Variants in PCDHAC1 observed in about 807,000 individuals in gnomAD.
PCDHAC1 encodes the protein protocadherin alpha subfamily C, 1.
PCDHAC1 carries 42 observed loss-of-function variants against 60.0 expected under a neutral mutation model. The observed-to-expected ratio is 0.70, with a 90% CI of 0.55 to 0.90. The LOEUF (loss-of-function observed/expected upper bound fraction) is 0.90. Among genes scored for constraint, PCDHAC1 ranks in the 40% least tolerant of loss-of-function variants. The probability of loss-of-function intolerance (pLI) is 0.00; values close to 1 mark genes in which losing one functional copy is unlikely to be tolerated. For missense variants in PCDHAC1, 1,160 were observed against 1,222.3 expected (o/e 0.95, Z 0.76); for synonymous variants, 468 against 499.3 (o/e 0.94, Z 0.84).
chr5:141,011,182 G>T lies in PCDHAC1; in HGVS notation c.*1245G>T, dbSNP rs887034679. On this transcript the variant is annotated 3_prime_UTR_variant, in exon 4 of 4. Coordinates refer to ENST00000253807, the MANE Select transcript of PCDHAC1 (RefSeq NM_018898.5). ...TATATATCAAGACCCAAAAATTGAA[G>T]AAAAATATTGTTTTCTCATACAGTG... 1.3e-5 allele frequency: 2 copies of T among 153,494 alleles called. No individual in the cohort carries two copies. Among genetic ancestry groups the T allele is most frequent in the Admixed American group, 6.6e-5 (1 of 15,254 alleles). The allele number at this position is 153,494 out of a possible 1,614,324, so 9.5% of individuals were successfully genotyped here.
intron 2 of PCDHAC1, among the ~76,000 whole-genome samples, chr5:140,981,831 G>A (rs2096952818): frequency 6.6e-6 from 1 of 152,006 alleles, no homozygotes; most frequent in African/African-American, 2.4e-5. Flanking sequence ...TGCCTCTAAA[G>A]GTCTCCCAGT....
chr5:140,927,258 T>C lies in PCDHAC1; in HGVS notation c.366T>C (p.Pro122=). Residue 122 remains proline (P), a synonymous_variant, in exon 1 of 4, where the codon CCT becomes CCC. Coordinates refer to ENST00000253807, the MANE Select transcript of PCDHAC1 (RefSeq NM_018898.5). ...IHVLDTNDNS[P]LFPAGDVQLH... is the part of the protein sequence containing the mutation. ...TCCTGGACACCAATGACAACTCACC[T>C]CTCTTTCCTGCCGGCGACGTGCAGC... 6.2e-7 allele frequency: 1 copy of C among 1,613,878 alleles called. No individual in the cohort carries two copies. Among genetic ancestry groups the C allele is most frequent in the Non-Finnish European group, 8.5e-7 (1 of 1,179,996 alleles).
At chr5:140,982,030 C>G (rs2096963361) in intron 2 of PCDHAC1, among the ~76,000 whole-genome samples, 1 of 152,196 alleles carries the variant, frequency 6.6e-6, no homozygotes, top group South Asian at 2.1e-4. Flanking sequence ...TGGAACAATA[C>G]TCCAATTATC....
At position 141,000,421 on chromosome 5, in the gene PCDHAC1, A is replaced by ATTTTTT. The variant is rs34755515; in HGVS notation, c.2582-9188_2582-9183dup. On this transcript the variant is annotated intron_variant, in intron 3 of 3. Coordinates refer to ENST00000253807, the MANE Select transcript of PCDHAC1 (RefSeq NM_018898.5). ...TATATATATATATATATATATATAT[A>ATTTTTT]TTTTTTTTTTTTTTTTTTTTTTTGA... 3.2e-4 allele frequency among the ~76,000 whole-genome samples: 9 copies of ATTTTTT among 27,978 alleles called. 1 individual carries two copies. The highest frequency in any genetic ancestry group is 5.3e-4 in the African/African-American group (3 of 5,638). 18.4% of individuals were successfully genotyped at this position (27,978 alleles called of 152,430 possible).
chr5:140,973,391 A>G (rs1466546487), intron 1 of PCDHAC1, among the ~76,000 whole-genome samples: 1 of 152,232 alleles, frequency 6.6e-6, no homozygotes, highest in East Asian at 1.9e-4. Context: ...AGACAAAGAA[A>G]TCATATCTAT....
chr5:140,945,183 A>G (rs1445694327), intron 1 of PCDHAC1, among the ~76,000 whole-genome samples: 6 of 152,160 alleles, frequency 3.9e-5, no homozygotes, highest in Admixed American at 2.6e-4. Context: ...TAAATCAAGA[A>G]AACCATGCTA....
chr5:140,956,710 CAGA>C (rs1554222572), intron 1 of PCDHAC1, among the ~76,000 whole-genome samples: 1 of 152,144 alleles, frequency 6.6e-6, no homozygotes, highest in Non-Finnish European at 1.5e-5. Flanking sequence ...GGAATAGCTT[CAGA>C]AGAATTGGTA....
At position 140,927,719 on chromosome 5, in the gene PCDHAC1, C is replaced by A. The variant is rs144571902; in HGVS notation, c.827C>A (p.Thr276Lys). Reference sequence around the variant, plus strand: ...GTCCAGTACTCCCTAAGCAACAGCACGCAAGCAGAGCTGCGACACCGCTTT... The same window carrying A: ...GTCCAGTACTCCCTAAGCAACAGCAAGCAAGCAGAGCTGCGACACCGCTTT... The part of the protein sequence containing the change: ...GEVQYSLSNS[T>K]QAELRHRFHV... The change falls in exon 1 of 4, where the codon ACG becomes AAG. Residue 276 changes from threonine (T) to lysine (K), a missense_variant. Thr to Lys is a moderately conservative substitution (Grantham distance 78). Transcript: ENST00000253807. The A allele has an allele frequency of 2.2e-4, 352 of 1,614,178 alleles. No individual in the cohort carries two copies. In the Middle Eastern group the frequency reaches 2.3e-3, roughly 11 times the overall value.
chr5:140,977,899 C>A (rs1193855952), intron 1 of PCDHAC1, among the ~76,000 whole-genome samples: 1 of 152,124 alleles, frequency 6.6e-6, no homozygotes, highest in East Asian at 1.9e-4. Context: ...CAAAATACAA[C>A]TTTTATCCCC....
At chr5:140,931,260 T>G (rs576177407) in intron 1 of PCDHAC1, among the ~76,000 whole-genome samples, 1 of 152,156 alleles carries the variant, frequency 6.6e-6, no homozygotes, top group South Asian at 2.1e-4. Context: ...GAAATTTCAC[T>G]ATTTATTTCT....
intron 1 of PCDHAC1, among the ~76,000 whole-genome samples, chr5:140,940,086 A>C (rs373629874): frequency 6.6e-6 from 1 of 152,214 alleles, no homozygotes; most frequent in Non-Finnish European, 1.5e-5. Flanking sequence ...TTTCTGCTAA[A>C]TTGAAACTTT....
At chr5:140,941,317 C>T (rs1264351232) in intron 1 of PCDHAC1, among the ~76,000 whole-genome samples, 5 of 99,210 alleles carry the variant, frequency 5.0e-5, no homozygotes, top group Admixed American at 1.1e-4. Flanking sequence ...TTTCTTCTTT[C>T]TCTTTTTTTT....
intron 3 of PCDHAC1, among the ~76,000 whole-genome samples, chr5:140,997,372 A>G (rs2097768557): frequency 6.6e-6 from 1 of 152,208 alleles, no homozygotes; most frequent in Non-Finnish European, 1.5e-5. Context: ...CCTAGATGAT[A>G]TAGCATACTA....
rs782417854 is a variant in PCDHAC1 at position 140,967,777 on chromosome 5, G to T, written c.2434-11172G>T. On this transcript the variant is annotated intron_variant, in intron 1 of 3. Transcript: ENST00000253807. The stretch of plus-strand genomic sequence containing the variant: ...CCTCCTACCAGATCTATGTGCAGGC[G>T]ACTGACCGGGGTCCAGTGCCCATGG... 2.5e-6 allele frequency: 4 copies of T among 1,614,186 alleles called. No individual in the cohort carries two copies. The South Asian group carries it at 4.4e-5, about 18-fold the overall frequency.
At chr5:140,931,970 G>A (rs2087909153) in intron 1 of PCDHAC1, among the ~76,000 whole-genome samples, 1 of 151,866 alleles carries the variant, frequency 6.6e-6, no homozygotes, top group Non-Finnish European at 1.5e-5. Flanking sequence ...TGATGCATAT[G>A]TGTTTATATT....
chr5:140,949,679 T>A (rs246046), intron 1 of PCDHAC1, among the ~76,000 whole-genome samples: 85,531 of 151,538 alleles, frequency 0.56, 24,739 homozygotes, highest in African/African-American at 0.69. Context: ...ATGCCCTTGT[T>A]GAAGCGTATT....
In PCDHAC1 at chr5:140,929,246, C is replaced by T; in HGVS notation, c.2354C>T (p.Thr785Ile). ...YNAADLRNLA[T>I]GVGLNLPISC... ...GCTGCCGACCTGCGAAATCTTGCCA[C>T]TGGGGTAGGACTGAATTTGCCAATA... is the stretch of plus-strand genomic sequence containing the variant. Residue 785 changes from threonine (T) to isoleucine (I), a missense_variant, in exon 1 of 4, where the codon ACT becomes ATT. Transcript: ENST00000253807. 6.2e-7 allele frequency: 1 copy of T among 1,613,738 alleles called. No individual in the cohort carries two copies. The highest frequency in any genetic ancestry group is 8.5e-7 in the Non-Finnish European group (1 of 1,179,762).
At chr5:140,966,703 G>T in intron 1 of PCDHAC1, 1 of 1,376,398 alleles carries the variant, frequency 7.3e-7, no homozygotes, top group South Asian at 1.7e-5. Flanking sequence ...CCCGGGCGTG[G>T]GGCACGGCTG....
intron 2 of PCDHAC1, 103 bp downstream of exon 2, chr5:140,979,110 C>G (rs1223081047): frequency 4.6e-5 from 69 of 1,515,610 alleles, no homozygotes; most frequent in Non-Finnish European, 5.9e-5. Flanking sequence ...AACTAAAAAG[C>G]TTTAGGTACT....
Sources: allele counts gnomAD v4.1 joint callset (sites outside exome capture counted in the v4.1 genomes callset), GRCh38; gene constraint gnomAD v4.1.1; transcripts MANE v1.5; gene names NCBI Gene and HGNC (gene_info 2026-07-23, HGNC 2026-07-21).